Variants in GALNTL6 observed in about 807,000 individuals in gnomAD.
The protein encoded by GALNTL6 is polypeptide N-acetylgalactosaminyltransferase like 6, also known as polypeptide N-acetylgalactosaminyltransferase-like 6.
In GALNTL6, 46 loss-of-function variants were observed where a neutral mutation model predicts 73.7. That is an observed-to-expected ratio of 0.62 (90% CI 0.49 to 0.80). The LOEUF (loss-of-function observed/expected upper bound fraction) is 0.80, where lower values mean the gene tolerates loss of function less well. Among genes scored for constraint, GALNTL6 ranks in the 30% least tolerant of loss-of-function variants. The pLI is 0.00. For missense variants in GALNTL6, 604 were observed against 755.0 expected (o/e 0.80, Z 2.34); for synonymous variants, 259 against 263.7 (o/e 0.98, Z 0.17).
At chr4:172,820,239 A>T (rs554576321) in intron 7 of GALNTL6, among the ~76,000 whole-genome samples, 1 of 152,318 alleles carries the variant, frequency 6.6e-6, no homozygotes, top group South Asian at 2.1e-4. Context: ...CAAAGGAGAT[A>T]ACAACAGATT....
intron 5 of GALNTL6, among the ~76,000 whole-genome samples, chr4:172,532,190 C>A (rs1247879818): frequency 1.3e-5 from 2 of 152,132 alleles, no homozygotes; most frequent in African/African-American, 2.4e-5. Context: ...GAAATAGGAT[C>A]TTTGCAGATG....
At chr4:172,206,806 T>TTTTTG (rs1736137275) in intron 2 of GALNTL6, among the ~76,000 whole-genome samples, 1 of 32,340 alleles carries the variant, frequency 3.1e-5, no homozygotes, top group Admixed American at 4.7e-4. Flanking sequence ...TGTTTTTCTG[T>TTTTTG]TTTTTTTGTT....
At chr4:172,003,109 G>T (rs1433316562) in intron 2 of GALNTL6, among the ~76,000 whole-genome samples, 1 of 151,882 alleles carries the variant, frequency 6.6e-6, no homozygotes, top group Admixed American at 6.6e-5. Context: ...ATGGCTTTTG[G>T]CTTCCTGATG....
chr4:171,922,994 A>T (rs1453971174), intron 2 of GALNTL6, among the ~76,000 whole-genome samples: 1 of 152,122 alleles, frequency 6.6e-6, no homozygotes, highest in Non-Finnish European at 1.5e-5. Flanking sequence ...AAAATTACAT[A>T]AATTGTTGTG....
At chr4:172,426,734 T>G (rs928189541) in intron 5 of GALNTL6, among the ~76,000 whole-genome samples, 6 of 152,160 alleles carry the variant, frequency 3.9e-5, no homozygotes, top group African/African-American at 7.2e-5. Flanking sequence ...ATATTGAATG[T>G]TGATTCATTA....
chr4:172,384,004 G>T (rs1386400290), intron 5 of GALNTL6, among the ~76,000 whole-genome samples: 4 of 152,028 alleles, frequency 2.6e-5, no homozygotes, highest in African/African-American at 9.7e-5. Flanking sequence ...TCTGCATTTG[G>T]TTTGTTAGTA....
At chr4:172,190,982 A>G (rs972455819) in intron 2 of GALNTL6, among the ~76,000 whole-genome samples, 6 of 152,138 alleles carry the variant, frequency 3.9e-5, no homozygotes, top group African/African-American at 7.2e-5. Context: ...TTCCATTGTC[A>G]TATTAGCCAC....
intron 4 of GALNTL6, among the ~76,000 whole-genome samples, chr4:172,342,553 G>T (rs1741606046): frequency 6.6e-6 from 1 of 152,046 alleles, no homozygotes; most frequent in Non-Finnish European, 1.5e-5. Flanking sequence ...ATTAAATGGG[G>T]GGCTTAACTG....
intron 5 of GALNTL6, among the ~76,000 whole-genome samples, chr4:172,707,002 C>A (rs1483711958): frequency 6.6e-6 from 1 of 152,110 alleles, no homozygotes; most frequent in Non-Finnish European, 1.5e-5. Context: ...GGTTTTCTTG[C>A]CAAGGAACCC....
At chr4:172,332,286 T>C (rs930296483) in intron 4 of GALNTL6, among the ~76,000 whole-genome samples, 1 of 152,164 alleles carries the variant, frequency 6.6e-6, no homozygotes, top group Admixed American at 6.5e-5. Context: ...TTGCTACATA[T>C]ATATAAGGCA....
intron 7 of GALNTL6, among the ~76,000 whole-genome samples, chr4:172,821,742 TG>T (rs1312114817): frequency 1.3e-5 from 2 of 152,172 alleles, no homozygotes; most frequent in Non-Finnish European, 2.9e-5. Flanking sequence ...GAGCAGAAAA[TG>T]GCTCAAGTGT....
At chr4:172,915,555 A>T (rs1747458690) in intron 8 of GALNTL6, among the ~76,000 whole-genome samples, 1 of 152,230 alleles carries the variant, frequency 6.6e-6, no homozygotes, top group Admixed American at 6.5e-5. Flanking sequence ...GTAAAAAATG[A>T]TGAAGGGGAT....
At chr4:172,364,612 C>CT (rs1026357621) in intron 5 of GALNTL6, among the ~76,000 whole-genome samples, 11 of 152,276 alleles carry the variant, frequency 7.2e-5, no homozygotes, top group African/African-American at 2.6e-4. Flanking sequence ...TCCCTTAACA[C>CT]TGAGTGTCAG....
Position 172,546,839 on chromosome 4 carries a change from A to G in GALNTL6, c.553+198150A>G, listed in dbSNP as rs369349323. Among the ~76,000 whole-genome samples, 9 of 4,004 alleles carry G rather than the reference A, an allele frequency of 2.2e-3. No homozygotes were observed. In the East Asian group the frequency reaches 0.025, roughly 11 times the overall value. 2.6% of individuals were successfully genotyped at this position (4,004 alleles called of 152,430 possible). ...ATATACGTATATGTATAATTGTAAA[A>G]TATACACAACATTAAATGTATCTTC... On this transcript the variant is annotated intron_variant, in intron 5 of 12. Coordinates refer to ENST00000506823, the MANE Select transcript of GALNTL6 (RefSeq NM_001034845.3).
At chr4:172,212,716 A>G (rs930682468) in intron 2 of GALNTL6, among the ~76,000 whole-genome samples, 5 of 151,882 alleles carry the variant, frequency 3.3e-5, no homozygotes, top group African/African-American at 4.8e-5. Flanking sequence ...TGCCCAGGCT[A>G]GAGTGCAATG....
chr4:172,316,888 A>T (rs13118428), intron 4 of GALNTL6, among the ~76,000 whole-genome samples: 24,558 of 152,114 alleles, frequency 0.16, 2,163 homozygotes, highest in African/African-American at 0.2. Context: ...GCAGAATAAG[A>T]TGACTGATCT....
intron 5 of GALNTL6, among the ~76,000 whole-genome samples, chr4:172,540,773 C>G (rs1011316956): frequency 6.6e-6 from 1 of 152,094 alleles, no homozygotes; most frequent in Non-Finnish European, 1.5e-5. Context: ...ATCTAAAGAC[C>G]TGAAGTCAAT....
chr4:172,751,748 T>C (rs555982363), intron 5 of GALNTL6, among the ~76,000 whole-genome samples: 1 of 152,306 alleles, frequency 6.6e-6, no homozygotes, highest in African/African-American at 2.4e-5. Flanking sequence ...GTCTAGAATA[T>C]CTGGTGTTTC....
chr4:172,143,661 A>G (rs1733856124), intron 2 of GALNTL6, among the ~76,000 whole-genome samples: 2 of 152,130 alleles, frequency 1.3e-5, no homozygotes, highest in Non-Finnish European at 2.9e-5. Context: ...TTACAGCCAC[A>G]TTGACTATCG....
Sources: allele counts gnomAD v4.1 joint callset (sites outside exome capture counted in the v4.1 genomes callset), GRCh38; gene constraint gnomAD v4.1.1; transcripts MANE v1.5; gene names NCBI Gene and HGNC (gene_info 2026-07-23, HGNC 2026-07-21).